Variants in TRAPPC9 observed in about 807,000 individuals in gnomAD.
The protein encoded by TRAPPC9 is trafficking protein particle complex subunit 9, also known as IKK2 binding protein.
TRAPPC9 carries 83 observed loss-of-function variants against 124.0 expected under a neutral mutation model. That is an observed-to-expected ratio of 0.67 (90% CI 0.56 to 0.80). The LOEUF (loss-of-function observed/expected upper bound fraction) is 0.80, where lower values mean the gene tolerates loss of function less well. Among genes scored for constraint, TRAPPC9 ranks in the 30% least tolerant of loss-of-function variants. TRAPPC9 has a pLI of 0.00. For synonymous variants in TRAPPC9, 638 were observed against 617.5 expected, an observed-to-expected ratio of 1.03 and a Z score of -0.49; for missense variants, 1,302 against 1,508.3, an observed-to-expected ratio of 0.86 and a Z score of 2.27.
At chr8:139,782,585 T>C (rs949465780) in intron 21 of TRAPPC9, among the ~76,000 whole-genome samples, 2 of 152,224 alleles carry the variant, frequency 1.3e-5, no homozygotes, top group African/African-American at 4.8e-5. Context: ...CTAATGGAGC[T>C]GATTGGTAAC....
chr8:139,998,039 G>T (rs1456652965), intron 18 of TRAPPC9, among the ~76,000 whole-genome samples: 1 of 150,260 alleles, frequency 6.7e-6, no homozygotes, highest in Non-Finnish European at 1.5e-5. Flanking sequence ...ATCCTACACA[G>T]GTAGACAATG....
chr8:140,073,609 G>T (rs1260420659), intron 17 of TRAPPC9, among the ~76,000 whole-genome samples: 3 of 152,206 alleles, frequency 2.0e-5, no homozygotes, highest in Non-Finnish European at 2.9e-5. Flanking sequence ...AGGGAGAAGG[G>T]TTAATAGAAT....
intron 17 of TRAPPC9, among the ~76,000 whole-genome samples, chr8:140,054,124 C>A (rs1842163313): frequency 6.6e-6 from 1 of 152,126 alleles, no homozygotes; most frequent in Admixed American, 6.5e-5. Flanking sequence ...TAAATAATGG[C>A]TACACACAGA....
intron 17 of TRAPPC9, among the ~76,000 whole-genome samples, chr8:140,210,275 T>A (rs1037288847): frequency 6.6e-6 from 1 of 152,190 alleles, no homozygotes; most frequent in Non-Finnish European, 1.5e-5. Context: ...CACGCCGCTG[T>A]CTTCATCTAG....
At chr8:140,125,587 C>CTT (rs11292333) in intron 17 of TRAPPC9, among the ~76,000 whole-genome samples, 739 of 67,814 alleles carry the variant, frequency 0.011, 18 homozygotes, top group Non-Finnish European at 0.014. Context: ...GAATCTCATT[C>CTT]TTTTTTTTTT....
At chr8:140,456,923 A>C in intron 1 of TRAPPC9, 1 of 660,082 alleles carries the variant, frequency 1.5e-6, no homozygotes, top group Non-Finnish European at 1.9e-6. Context: ...GAAGGTCTGC[A>C]GGGGTGGAGG....
chr8:140,315,733 T>TAC (rs2066426320), intron 9 of TRAPPC9, among the ~76,000 whole-genome samples: 1 of 152,224 alleles, frequency 6.6e-6, no homozygotes, highest in African/African-American at 2.4e-5. Flanking sequence ...TCCTTTAAGA[T>TAC]ACTAGGTTCC....
chr8:139,827,601 G>A (rs1825725964), intron 21 of TRAPPC9, among the ~76,000 whole-genome samples: 1 of 152,224 alleles, frequency 6.6e-6, no homozygotes, highest in Admixed American at 6.5e-5. Context: ...ATGTGCTGGG[G>A]TGGTGCCAAT....
At chr8:140,308,661 T>A (rs1174091600) in intron 10 of TRAPPC9, among the ~76,000 whole-genome samples, 1 of 152,024 alleles carries the variant, frequency 6.6e-6, no homozygotes, top group African/African-American at 2.4e-5. Flanking sequence ...GGCGGGCGGA[T>A]CACGAGGTCA....
intron 17 of TRAPPC9, among the ~76,000 whole-genome samples, chr8:140,061,753 A>G (rs1303034649): frequency 6.6e-6 from 1 of 152,220 alleles, no homozygotes; most frequent in African/African-American, 2.4e-5. Flanking sequence ...GGAGAGGCTG[A>G]GAATGGAGCA....
chr8:139,816,332 G>A (rs1160220112), intron 21 of TRAPPC9, among the ~76,000 whole-genome samples: 2 of 152,254 alleles, frequency 1.3e-5, no homozygotes, highest in East Asian at 1.9e-4. Flanking sequence ...AGATGCTGGT[G>A]AGGCTTTGGG....
chr8:140,424,271 G>A (rs1267296381), intron 5 of TRAPPC9, among the ~76,000 whole-genome samples: 2 of 151,712 alleles, frequency 1.3e-5, no homozygotes, highest in Non-Finnish European at 2.9e-5. Context: ...AAGCAATTAT[G>A]AGTCAACTAA....
intron 21 of TRAPPC9, among the ~76,000 whole-genome samples, chr8:139,809,510 G>A (rs930673239): frequency 6.6e-6 from 1 of 152,222 alleles, no homozygotes; most frequent in East Asian, 1.9e-4. Context: ...CACTGAAGCA[G>A]GGGGCCTGGG....
At chr8:140,139,535 G>A (rs894678062) in intron 17 of TRAPPC9, among the ~76,000 whole-genome samples, 1 of 152,090 alleles carries the variant, frequency 6.6e-6, no homozygotes, top group African/African-American at 2.4e-5. Flanking sequence ...TAACCCAAAG[G>A]CCCATCAACA....
At chr8:139,774,948 AGCAGAAC>A (rs947089225) in intron 21 of TRAPPC9, among the ~76,000 whole-genome samples, 2 of 152,202 alleles carry the variant, frequency 1.3e-5, no homozygotes, top group African/African-American at 2.4e-5. Flanking sequence ...CAAGAACCTG[AGCAGAAC>A]GCCCGGATGG....
At chr8:139,894,544 G>C (rs747462430) in intron 20 of TRAPPC9, among the ~76,000 whole-genome samples, 8 of 152,158 alleles carry the variant, frequency 5.3e-5, no homozygotes, top group Non-Finnish European at 1.0e-4. Context: ...GGGAACTGGA[G>C]TGCCTGCAGC....
intron 21 of TRAPPC9, among the ~76,000 whole-genome samples, chr8:139,804,933 A>G (rs951768858): frequency 6.6e-6 from 1 of 152,174 alleles, no homozygotes; most frequent in Non-Finnish European, 1.5e-5. Flanking sequence ...ACCAGCCACC[A>G]TGGTTGGGAG....
chr8:140,077,808 A>G (rs1843595424), intron 17 of TRAPPC9, among the ~76,000 whole-genome samples: 1 of 152,132 alleles, frequency 6.6e-6, no homozygotes, highest in Admixed American at 6.5e-5. Context: ...GAAAACGGAA[A>G]GGCAGGAAAG....
rs532478655 is a variant in TRAPPC9 at position 139,729,874 on chromosome 8, G to A, written c.*1187C>T. Among the ~76,000 whole-genome samples the A allele has an allele frequency of 6.6e-6, 1 of 152,254 alleles. No individual in the cohort carries two copies. Among genetic ancestry groups the A allele is most frequent in the African/African-American group, 2.4e-5 (1 of 41,554 alleles). On this transcript the variant is annotated 3_prime_UTR_variant, in exon 23 of 23. Coordinates refer to ENST00000438773, the MANE Select transcript of TRAPPC9 (RefSeq NM_001160372.4). The stretch of plus-strand genomic sequence containing the variant: ...CTCCATGGGAGTTTCAGTGCCCAAC[G>A]GGCACCTGACGAGCCTGGTATCTGC...
Sources: allele counts gnomAD v4.1 joint callset (sites outside exome capture counted in the v4.1 genomes callset), GRCh38; gene constraint gnomAD v4.1.1; transcripts MANE v1.5; gene names NCBI Gene and HGNC (gene_info 2026-07-23, HGNC 2026-07-21).